The following LYPLAL1 variants were observed in gnomAD, a reference collection of about 807,000 sequenced individuals.
The protein encoded by LYPLAL1 is lysophospholipase like 1.
Under a neutral mutation model 19.7 loss-of-function variants are expected in LYPLAL1, and 23 were observed. That is an observed-to-expected ratio of 1.17 (90% CI 0.84 to 1.65). The LOEUF is 1.65. Among genes scored for constraint, LYPLAL1 ranks in the 40% most tolerant of loss-of-function variants. The pLI is 0.00. For missense variants in LYPLAL1, 355 were observed against 279.4 expected (o/e 1.27, Z -1.93); for synonymous variants, 119 against 96.3 (o/e 1.24, Z -1.38).
the LYPLAL1 span, among the ~76,000 whole-genome samples, chr1:219,316,507 A>G: frequency 1.3e-5 from 2 of 152,120 alleles, no homozygotes; most frequent in African/African-American, 4.8e-5. Flanking sequence ...AAGTTTGAGA[A>G]GGATTTATAT....
the LYPLAL1 span, among the ~76,000 whole-genome samples, chr1:219,246,811 C>T: frequency 6.6e-6 from 1 of 152,158 alleles, no homozygotes; most frequent in Non-Finnish European, 1.5e-5. Flanking sequence ...GTCTCAAATT[C>T]CTGGGCTCAA....
At chr1:219,401,343 CT>C in the LYPLAL1 span, among the ~76,000 whole-genome samples, 1 of 150,234 alleles carries the variant, frequency 6.7e-6, no homozygotes, top group Non-Finnish European at 1.5e-5. Flanking sequence ...AATGCCTTTT[CT>C]TTTTTTAATT....
chr1:219,317,642 A>C, the LYPLAL1 span, among the ~76,000 whole-genome samples: 1 of 152,224 alleles, frequency 6.6e-6, no homozygotes, highest in African/African-American at 2.4e-5. Flanking sequence ...GATCAAAAAT[A>C]AATAAATAAG....
the LYPLAL1 span, among the ~76,000 whole-genome samples, chr1:219,311,750 C>G: frequency 6.6e-6 from 1 of 152,106 alleles, no homozygotes; most frequent in East Asian, 1.9e-4. Flanking sequence ...TTTGAATATA[C>G]GCATAATCCA....
the LYPLAL1 span, among the ~76,000 whole-genome samples, chr1:219,241,973 G>GT: frequency 6.6e-6 from 1 of 152,160 alleles, no homozygotes; most frequent in Non-Finnish European, 1.5e-5. Flanking sequence ...AATTTGAGTT[G>GT]TTACTGGCTT....
chr1:219,305,997 T>G, the LYPLAL1 span, among the ~76,000 whole-genome samples: 1 of 152,234 alleles, frequency 6.6e-6, no homozygotes, highest in Non-Finnish European at 1.5e-5. Flanking sequence ...TCAGGTTACA[T>G]GAAAAGTAAT....
intron 1 of LYPLAL1, among the ~76,000 whole-genome samples, chr1:219,175,727 G>A (rs1655758825): frequency 6.6e-6 from 1 of 152,046 alleles, no homozygotes; most frequent in Non-Finnish European, 1.5e-5. Context: ...ACCTTATTGG[G>A]AGTAGGTCTT....
At chr1:219,184,512 G>T (rs545866977) in intron 2 of LYPLAL1, among the ~76,000 whole-genome samples, 2 of 151,936 alleles carry the variant, frequency 1.3e-5, no homozygotes, top group East Asian at 3.9e-4. Context: ...ATAGAAGTGA[G>T]TACTTCCTTC....
the LYPLAL1 span, among the ~76,000 whole-genome samples, chr1:219,417,560 A>T: frequency 6.6e-6 from 1 of 152,242 alleles, no homozygotes; most frequent in Non-Finnish European, 1.5e-5. Flanking sequence ...AGAACCACTG[A>T]TGCATTATAA....
At chr1:219,196,451 G>T (rs1226582921) in intron 3 of LYPLAL1, among the ~76,000 whole-genome samples, 1 of 152,056 alleles carries the variant, frequency 6.6e-6, no homozygotes, top group Admixed American at 6.6e-5. Flanking sequence ...AAGTGATGTT[G>T]AGCTTTTTTT....
the LYPLAL1 span, among the ~76,000 whole-genome samples, chr1:219,294,155 T>A: frequency 6.6e-6 from 1 of 152,206 alleles, no homozygotes; most frequent in East Asian, 1.9e-4. Flanking sequence ...AGAAGAGAGA[T>A]GTCCTTGAAC....
At chr1:219,301,573 C>A in the LYPLAL1 span, among the ~76,000 whole-genome samples, 1 of 152,118 alleles carries the variant, frequency 6.6e-6, no homozygotes. Context: ...TTGCATTATA[C>A]CTCTTAATCT....
the LYPLAL1 span, among the ~76,000 whole-genome samples, chr1:219,299,084 A>G: frequency 6.6e-6 from 1 of 151,828 alleles, no homozygotes; most frequent in African/African-American, 2.4e-5. Flanking sequence ...AAAAGTCATT[A>G]CTTCACAATG....
At chr1:219,301,648 A>G in the LYPLAL1 span, among the ~76,000 whole-genome samples, 1 of 152,188 alleles carries the variant, frequency 6.6e-6, no homozygotes, top group Non-Finnish European at 1.5e-5. Context: ...ATAAATGTGT[A>G]TCTTAACTTC....
chr1:219,418,413 C>G, the LYPLAL1 span, among the ~76,000 whole-genome samples: 1 of 152,188 alleles, frequency 6.6e-6, no homozygotes, highest in Non-Finnish European at 1.5e-5. Flanking sequence ...CCCAGTCCTC[C>G]CAGCACTGAT....
intron 2 of LYPLAL1, among the ~76,000 whole-genome samples, chr1:219,180,510 G>A (rs2125028365): frequency 6.6e-6 from 1 of 152,258 alleles, no homozygotes; most frequent in African/African-American, 2.4e-5. Context: ...TTTTAATAGA[G>A]TTTAAAAGTT....
chr1:219,425,719 A>G, the LYPLAL1 span, among the ~76,000 whole-genome samples: 1 of 152,192 alleles, frequency 6.6e-6, no homozygotes, highest in African/African-American at 2.4e-5. Flanking sequence ...TGAAATTTGT[A>G]CTTTTAGTGA....
the LYPLAL1 span, among the ~76,000 whole-genome samples, chr1:219,375,108 A>C: frequency 8.5e-5 from 13 of 152,210 alleles, no homozygotes; most frequent in Non-Finnish European, 1.9e-4. Context: ...GTTGTCAACC[A>C]ATCTAATTTA....
At chr1:219,438,046 C>T in the LYPLAL1 span, among the ~76,000 whole-genome samples, 5 of 152,140 alleles carry the variant, frequency 3.3e-5, no homozygotes, top group African/African-American at 9.7e-5. Context: ...GGATTACAGA[C>T]GTGAGCCACC....
Sources: allele counts gnomAD v4.1 joint callset (sites outside exome capture counted in the v4.1 genomes callset), GRCh38; gene constraint gnomAD v4.1.1; transcripts MANE v1.5; gene names NCBI Gene and HGNC (gene_info 2026-07-23, HGNC 2026-07-21).